Variants in ANXA5 observed in about 807,000 individuals in gnomAD.
ANXA5 encodes the protein annexin A5.
In ANXA5, 40 loss-of-function variants were observed where a neutral mutation model predicts 48.1. The ratio of observed to expected loss-of-function variants is 0.83; its 90% CI spans 0.65 to 1.08. The LOEUF (loss-of-function observed/expected upper bound fraction) is 1.08, where lower values mean the gene tolerates loss of function less well. Ranked by LOEUF, ANXA5 falls within the 50% of genes least tolerant of loss-of-function variation. The pLI is 0.00. For missense variants in ANXA5, 357 were observed against 376.8 expected, an observed-to-expected ratio of 0.95 and a Z score of 0.44; for synonymous variants, 113 against 129.1, an observed-to-expected ratio of 0.88 and a Z score of 0.85.
At chr4:121,678,630 T>C in intron 6 of ANXA5, 136 bp from the exon 7 acceptor site, 1 of 736,160 alleles carries the variant, frequency 1.4e-6, no homozygotes, top group Non-Finnish European at 2.2e-6. Context: ...CTATTCCATC[T>C]CTGAATGCTC....
chr4:121,686,420 CAAAGT>C, intron 2 of ANXA5, 48 bp from the exon 3 acceptor site: 2 of 1,374,202 alleles, frequency 1.5e-6, no homozygotes, highest in Non-Finnish European at 2.1e-6. Flanking sequence ...ACTAATATGA[CAAAGT>C]AAATAACACA....
chr4:121,688,428 C>T lies in ANXA5; in HGVS notation c.10-2056G>A, dbSNP rs56224838. Reference sequence around the variant, plus strand: ...TTTCCTGTTAGTAACTTTCCATGCACTGACCTCACTCTGCTTGTTAGCTAT... The same window carrying T: ...TTTCCTGTTAGTAACTTTCCATGCATTGACCTCACTCTGCTTGTTAGCTAT... On this transcript the variant is annotated intron_variant, in intron 2 of 12. Transcript: ENST00000296511. Among the ~76,000 whole-genome samples, 1,049 of 152,052 alleles carry T rather than the reference C, an allele frequency of 6.9e-3. 12 individuals carry two copies. Among genetic ancestry groups the T allele is most frequent in the South Asian group, 0.024 (116 of 4,820 alleles).
intron 2 of ANXA5, among the ~76,000 whole-genome samples, chr4:121,689,798 A>T (rs752441530): frequency 6.6e-6 from 1 of 152,208 alleles, no homozygotes; most frequent in Non-Finnish European, 1.5e-5. Context: ...ACTGTGCAAG[A>T]GTGACAAGAA....
At chr4:121,670,706 A>G (rs923568428) in intron 10 of ANXA5, among the ~76,000 whole-genome samples, 64 of 152,332 alleles carry the variant, frequency 4.2e-4, no homozygotes, top group African/African-American at 1.5e-3. Context: ...AAGTCTTAAG[A>G]AAAACAGCCA....
At chr4:121,684,022 A>G (rs939237679) in intron 4 of ANXA5, among the ~76,000 whole-genome samples, 2 of 152,046 alleles carry the variant, frequency 1.3e-5, no homozygotes, top group Admixed American at 1.3e-4. Flanking sequence ...GAAAAAAAAA[A>G]CACAGTATTT....
chr4:121,679,043 G>T lies in ANXA5; in HGVS notation c.395-549C>A, dbSNP rs536622589. Among the ~76,000 whole-genome samples, 410 of 151,868 alleles carry T rather than the reference G, an allele frequency of 2.7e-3. 8 individuals carry two copies. The highest frequency in any genetic ancestry group is 0.019 in the South Asian group (91 of 4,820). The stretch of plus-strand genomic sequence containing the variant: ...TGCTCAATGTAAGCCCATATAAAAG[G>T]GGAGAACTGGGATCTACAAGAGTCT... On this transcript the variant is annotated intron_variant, in intron 6 of 12. Coordinates refer to ENST00000296511, the MANE Select transcript of ANXA5 (RefSeq NM_001154.4).
intron 3 of ANXA5, among the ~76,000 whole-genome samples, chr4:121,685,069 T>TAC (rs1724861499): frequency 3.4e-5 from 5 of 147,776 alleles, no homozygotes; most frequent in African/African-American, 1.3e-4. Context: ...CACATATATA[T>TAC]ATACACACAC....
At chr4:121,689,873 C>A (rs1275771892) in intron 2 of ANXA5, among the ~76,000 whole-genome samples, 1 of 152,182 alleles carries the variant, frequency 6.6e-6, no homozygotes. Context: ...GGGACAGAAA[C>A]AGGCCCCAGG....
chr4:121,686,632 C>T (rs879430228), intron 2 of ANXA5, among the ~76,000 whole-genome samples: 3 of 152,152 alleles, frequency 2.0e-5, no homozygotes, highest in Non-Finnish European at 4.4e-5. Flanking sequence ...TGTGACGAAA[C>T]CCCACCAACA....
chr4:121,671,331 A>G (rs1025513457), intron 10 of ANXA5, among the ~76,000 whole-genome samples: 5 of 152,234 alleles, frequency 3.3e-5, no homozygotes, highest in African/African-American at 1.2e-4. Context: ...CAATTATCTT[A>G]GTATTTCCAT....
At chr4:121,669,054 G>GA (rs35301456) in intron 12 of ANXA5, among the ~76,000 whole-genome samples, 23,768 of 141,684 alleles carry the variant, frequency 0.17, 2,004 homozygotes, top group Non-Finnish European at 0.2. Flanking sequence ...ACCTTTACTG[G>GA]AAAAAAAAAA....
At chr4:121,669,777 A>G (rs998995605) in intron 11 of ANXA5, 53 bp from the exon 12 acceptor site, 344 of 1,573,534 alleles carry the variant, frequency 2.2e-4, no homozygotes, top group Non-Finnish European at 2.8e-4. Flanking sequence ...CTTCAAACAT[A>G]GGATCAAATG....
At chr4:121,688,679 T>C (rs1294374071) in intron 2 of ANXA5, among the ~76,000 whole-genome samples, 1 of 152,156 alleles carries the variant, frequency 6.6e-6, no homozygotes, top group Non-Finnish European at 1.5e-5. Flanking sequence ...CCTGACCTCA[T>C]GAAGCCCCAC....
Position 121,668,303 on chromosome 4 carries a change from A to C in ANXA5, c.*165T>G. 1 of 609,866 alleles carries C rather than the reference A, an allele frequency of 1.6e-6. No homozygotes were observed. Among genetic ancestry groups the C allele is most frequent in the South Asian group, 2.0e-5 (1 of 49,140 alleles). The allele number at this position is 609,866 out of a possible 1,614,324, so 37.8% of individuals were successfully genotyped here. A position where few individuals can be genotyped will look rare whatever the true frequency, so the allele number is the denominator to read the frequency against. ...AAGAGATCTCCACTAGAGATCAGAA[A>C]GAAGCACCACTATTTTCTTCTATGA... On this transcript the variant is annotated 3_prime_UTR_variant, in exon 13 of 13. Coordinates refer to ENST00000296511, the MANE Select transcript of ANXA5 (RefSeq NM_001154.4).
intron 2 of ANXA5, among the ~76,000 whole-genome samples, chr4:121,687,081 C>T (rs1372481072): frequency 2.0e-5 from 3 of 151,896 alleles, no homozygotes; most frequent in Non-Finnish European, 4.4e-5. Context: ...CTGAGGCAGG[C>T]GGATCACAAG....
intron 5 of ANXA5, among the ~76,000 whole-genome samples, chr4:121,682,677 C>T (rs1411531086): frequency 6.6e-6 from 1 of 152,140 alleles, no homozygotes; most frequent in African/African-American, 2.4e-5. Flanking sequence ...TCTCCTCTCT[C>T]CACTCCATCA....
Position 121,671,574 on chromosome 4 carries a change from T to C in ANXA5, c.694A>G (p.Asn232Asp). Residue 232 changes from asparagine (N) to aspartate (D), a missense_variant, in exon 10 of 13, where the codon AAT (asparagine) becomes GAT (aspartate). Physicochemically the swap from Asn to Asp is conservative, Grantham distance 23 (BLOSUM62 1). Transcript: ENST00000296511. Reference protein sequence around the residue: ...EETIDRETSGNLEQLLLAVVK... With the variant: ...EETIDRETSGDLEQLLLAVVK... ...ACAGCAAGGAGTAGTTGCTCTAAAT[T>C]GCCAGAAGTCTCGCGGTCAATGGTT... is the stretch of plus-strand genomic sequence containing the variant. 1 of 1,613,448 alleles carries C rather than the reference T, an allele frequency of 6.2e-7. No homozygotes were observed. Among genetic ancestry groups the C allele is most frequent in the Non-Finnish European group, 8.5e-7 (1 of 1,179,470 alleles).
intron 2 of ANXA5, among the ~76,000 whole-genome samples, chr4:121,690,651 A>G (rs1724968240): frequency 6.6e-6 from 1 of 152,150 alleles, no homozygotes; most frequent in Non-Finnish European, 1.5e-5. Flanking sequence ...AAAAACAGGG[A>G]GAGGTTAGAA....
intron 2 of ANXA5, among the ~76,000 whole-genome samples, chr4:121,689,880 C>T (rs1037545048): frequency 1.3e-5 from 2 of 152,176 alleles, no homozygotes; most frequent in Non-Finnish European, 2.9e-5. Flanking sequence ...AAACAGGCCC[C>T]AGGTAGACAG....
Sources: allele counts gnomAD v4.1 joint callset (sites outside exome capture counted in the v4.1 genomes callset), GRCh38; gene constraint gnomAD v4.1.1; transcripts MANE v1.5; gene names NCBI Gene and HGNC (gene_info 2026-07-23, HGNC 2026-07-21).